PTPN5: variants seen among roughly 807,000 people sequenced by gnomAD.
The protein encoded by PTPN5 is tyrosine-protein phosphatase non-receptor type 5.
PTPN5 carries 29 observed loss-of-function variants against 73.9 expected under a neutral mutation model. The ratio of observed to expected loss-of-function variants is 0.39; its 90% CI spans 0.29 to 0.54. The LOEUF (loss-of-function observed/expected upper bound fraction) is 0.54, where lower values mean the gene tolerates loss of function less well. Ranked by LOEUF, PTPN5 falls within the 20% of genes least tolerant of loss-of-function variation. PTPN5 has a pLI of 0.65. For synonymous variants in PTPN5, 267 were observed against 304.7 expected, an observed-to-expected ratio of 0.88 and a Z score of 1.29; for missense variants, 652 against 751.4, an observed-to-expected ratio of 0.87 and a Z score of 1.55.
At chr11:18,759,915 A>G (rs959365082) in intron 3 of PTPN5, among the ~76,000 whole-genome samples, 1 of 146,908 alleles carries the variant, frequency 6.8e-6, no homozygotes, top group Admixed American at 6.8e-5. Context: ...AACAGGGGCT[A>G]GCAGATCAGG....
intron 1 of PTPN5, among the ~76,000 whole-genome samples, chr11:18,778,033 G>T (rs1851251433): frequency 6.7e-6 from 1 of 149,620 alleles, no homozygotes. Flanking sequence ...GAAGGGCCCT[G>T]ATTTGTGCCC....
At chr11:18,767,388 CAG>C (rs766318774) in intron 2 of PTPN5, among the ~76,000 whole-genome samples, 3 of 152,238 alleles carry the variant, frequency 2.0e-5, no homozygotes, top group Non-Finnish European at 1.5e-5. Context: ...AGCACTCCTG[CAG>C]AGAGGAGGTC....
At chr11:18,784,098 A>G (rs1329635959) in intron 1 of PTPN5, among the ~76,000 whole-genome samples, 1 of 152,216 alleles carries the variant, frequency 6.6e-6, no homozygotes, top group Non-Finnish European at 1.5e-5. Flanking sequence ...TCCTTTTTAA[A>G]AAATGCACCC....
intron 7 of PTPN5, among the ~76,000 whole-genome samples, chr11:18,741,900 G>A (rs531353785): frequency 6.6e-6 from 1 of 152,304 alleles, no homozygotes; most frequent in South Asian, 2.1e-4. Flanking sequence ...GAGTTCCGTG[G>A]TCAAGTGACT....
intron 1 of PTPN5, among the ~76,000 whole-genome samples, chr11:18,774,640 G>A (rs747994147): frequency 6.6e-6 from 1 of 152,236 alleles, no homozygotes; most frequent in Non-Finnish European, 1.5e-5. Context: ...TGGGACCAAA[G>A]TAGCAGGGGC....
intron 1 of PTPN5, among the ~76,000 whole-genome samples, chr11:18,772,687 T>C (rs1850959032): frequency 6.6e-6 from 1 of 152,198 alleles, no homozygotes; most frequent in Non-Finnish European, 1.5e-5. Context: ...GCAACAGTTG[T>C]CCATTTTTCA....
intron 9 of PTPN5, among the ~76,000 whole-genome samples, chr11:18,734,409 C>G (rs967985564): frequency 6.6e-6 from 1 of 152,236 alleles, no homozygotes; most frequent in Non-Finnish European, 1.5e-5. Flanking sequence ...CCTCAAACTC[C>G]TGGGCCCAAG....
intron 1 of PTPN5, among the ~76,000 whole-genome samples, chr11:18,790,143 A>G (rs1851849716): frequency 6.6e-6 from 1 of 151,898 alleles, no homozygotes; most frequent in Admixed American, 6.6e-5. Flanking sequence ...CTCTGGGGAC[A>G]CCTGGCTGCC....
chr11:18,742,137 A>T lies in PTPN5; in HGVS notation c.725+125T>A. On this transcript the variant is annotated intron_variant, in intron 7 of 14. Coordinates refer to ENST00000358540, the MANE Select transcript of PTPN5 (RefSeq NM_006906.2). This position sits in a 1 kb window ranked among gnomAD's most constrained non-coding sequence, Gnocchi z 4.1. ...AATGACCTGGATAGCACATGTCTAC[A>T]CTGGCTAAGCTATAAGGCCAGCTCT... The T allele has an allele frequency of 7.5e-7, 1 of 1,338,008 alleles. No homozygotes were observed. The highest frequency in any genetic ancestry group is 1.3e-5 in the South Asian group (1 of 74,250). The allele number at this position is 1,338,008 out of a possible 1,614,324, so 82.9% of individuals were successfully genotyped here.
intron 3 of PTPN5, among the ~76,000 whole-genome samples, chr11:18,746,928 G>A (rs571708666): frequency 7.2e-5 from 11 of 152,306 alleles, no homozygotes; most frequent in Admixed American, 7.2e-4. Context: ...AATATGGAAC[G>A]GTGGGAAGGG....
In PTPN5 at chr11:18,742,497, G is replaced by A. The variant is rs200713927; in HGVS notation, c.490C>T (p.His164Tyr). 42 of 1,613,252 alleles carry A rather than the reference G, an allele frequency of 2.6e-5. No homozygotes were observed. In the East Asian group the frequency reaches 8.5e-4, roughly 33 times the overall value. Residue 164 changes from histidine (H) to tyrosine (Y), a missense_variant, in exon 7 of 15, where the codon CAC (histidine) becomes TAC (tyrosine). By Grantham distance (83) the His-to-Tyr change is moderately conservative. Coordinates refer to ENST00000358540, the MANE Select transcript of PTPN5 (RefSeq NM_006906.2). The surrounding 1 kb of genome is among the most constrained non-coding windows in gnomAD (Gnocchi z 4.1). ...GLVLVTTLVWHLLRTPPEPPT... is the reference protein window; with the variant it reads ...GLVLVTTLVWYLLRTPPEPPT... ...GGCTCTGGGGGTGTCCTCAGGAGGT[G>A]CCACACCTGGTTGGGGTGTACAGCA...
intron 7 of PTPN5, among the ~76,000 whole-genome samples, chr11:18,741,763 G>A (rs560429427): frequency 7.2e-5 from 11 of 152,284 alleles, no homozygotes; most frequent in South Asian, 2.1e-4. Flanking sequence ...TAACTGCTGG[G>A]CACTACGCTC....
intron 7 of PTPN5, 69 bp from the exon 8 acceptor site, chr11:18,740,861 G>T (rs1490978452): frequency 1.5e-5 from 17 of 1,113,152 alleles, no homozygotes; most frequent in Non-Finnish European, 2.0e-5. Flanking sequence ...GGGTCTCCAG[G>T]GCTGGGAAAA....
At chr11:18,772,771 C>T (rs1044478080) in intron 1 of PTPN5, among the ~76,000 whole-genome samples, 3 of 152,170 alleles carry the variant, frequency 2.0e-5, no homozygotes, top group East Asian at 1.9e-4. Context: ...GTTCAGGCTA[C>T]GTGTGGGACC....
At chr11:18,739,791 T>C (rs1849282952) in intron 8 of PTPN5, among the ~76,000 whole-genome samples, 1 of 152,224 alleles carries the variant, frequency 6.6e-6, no homozygotes, top group African/African-American at 2.4e-5. Flanking sequence ...TGAATTTGGT[T>C]GAGGAATGGA....
At chr11:18,759,535 T>C (rs190567328) in intron 3 of PTPN5, among the ~76,000 whole-genome samples, 52 of 152,354 alleles carry the variant, frequency 3.4e-4, no homozygotes, top group African/African-American at 1.2e-3. Context: ...GGGATGGTAC[T>C]TCTTTTCTCA....
At chr11:18,760,811 G>T (rs947567169) in intron 3 of PTPN5, among the ~76,000 whole-genome samples, 7 of 152,220 alleles carry the variant, frequency 4.6e-5, no homozygotes, top group Admixed American at 6.5e-5. Context: ...GAAGTCCATA[G>T]GGCTCAGGAG....
At chr11:18,741,769 C>A (rs982689038) in intron 7 of PTPN5, among the ~76,000 whole-genome samples, 3 of 152,140 alleles carry the variant, frequency 2.0e-5, no homozygotes, top group Non-Finnish European at 4.4e-5. Flanking sequence ...CTGGGCACTA[C>A]GCTCAGTACC....
At chr11:18,765,194 C>T (rs1590579488) in intron 3 of PTPN5, among the ~76,000 whole-genome samples, 1 of 152,116 alleles carries the variant, frequency 6.6e-6, no homozygotes, top group East Asian at 1.9e-4. Flanking sequence ...AAAACTCTCC[C>T]CCCACCCCTT....
Sources: gnomAD v4.1 joint callset for allele counts (sites outside exome capture counted in the v4.1 genomes callset) on GRCh38, gnomAD v4.1.1 for gene constraint, Gnocchi (gnomAD v3.1) non-coding constraint, MANE v1.5 for transcripts, NCBI Gene and HGNC (gene_info 2026-07-23, HGNC 2026-07-21) for gene names.